Variants in EP300 observed in about 807,000 individuals in gnomAD.
The protein encoded by EP300 is EP300 lysine acetyltransferase.
In EP300, 31 loss-of-function variants were observed where a neutral mutation model predicts 264.0. The observed-to-expected ratio is 0.12, with a 90% CI of 0.09 to 0.16. The LOEUF (loss-of-function observed/expected upper bound fraction) is 0.16, where lower values mean the gene tolerates loss of function less well. Ranked by LOEUF, EP300 falls within the 10% of genes least tolerant of loss-of-function variation. The pLI is 1.00. For synonymous variants in EP300, 1,340 were observed against 1,045.4 expected, an observed-to-expected ratio of 1.28 and a Z score of -5.44; for missense variants, 2,766 against 3,052.9, an observed-to-expected ratio of 0.91 and a Z score of 2.21.
chr22:41,145,928 T>C (rs972968955), intron 10 of EP300, among the ~76,000 whole-genome samples: 1 of 151,996 alleles, frequency 6.6e-6, no homozygotes, highest in Non-Finnish European at 1.5e-5. Context: ...TTTATTTTTT[T>C]AAGAATTATT....
chr22:41,149,224 C>T (rs1236899531), intron 13 of EP300, 49 bp downstream of exon 13: 18 of 1,609,826 alleles, frequency 1.1e-5, no homozygotes, highest in Non-Finnish European at 1.4e-5. Flanking sequence ...CTTGAAACTT[C>T]TCTTGATGTA....
intron 7 of EP300, 131 bp downstream of exon 7, chr22:41,136,037 A>C: frequency 2.6e-6 from 2 of 769,400 alleles, no homozygotes; most frequent in South Asian, 2.9e-5. Flanking sequence ...GTTTGAGTCC[A>C]TTCTTTCTTT....
chr22:41,151,077 G>T (rs1313286666), intron 14 of EP300, among the ~76,000 whole-genome samples: 2 of 151,846 alleles, frequency 1.3e-5, no homozygotes, highest in Non-Finnish European at 2.9e-5. Context: ...TTTTTTAAGG[G>T]TTTAGAAGCT....
chr22:41,149,385 T>G (rs2145736659), intron 13 of EP300, among the ~76,000 whole-genome samples: 1 of 152,310 alleles, frequency 6.6e-6, no homozygotes, highest in South Asian at 2.1e-4. Flanking sequence ...GGAAATAATT[T>G]AAATGGATAG....
rs752065194 is a variant in EP300, at chr22:41,178,864, C to G, written c.7153C>G (p.Leu2385Val). 4 of 1,614,194 alleles carry G rather than the reference C, an allele frequency of 2.5e-6. No homozygotes were observed. The South Asian group carries it at 4.4e-5, about 18-fold the overall frequency. The change falls in exon 31 of 31, where the codon CTC becomes GTC. Residue 2385 changes from leucine (L) to valine (V), a missense_variant. Physicochemically the swap from Leu to Val is conservative, Grantham distance 32. Transcript: ENST00000263253. Reference protein sequence around the residue: ...QLASNPGMANLHGASATDLGL... With the variant: ...QLASNPGMANVHGASATDLGL... ...TGCTAGCAATCCAGGCATGGCAAAC[C>G]TCCATGGTGCAAGCGCCACGGACCT... is the stretch of plus-strand genomic sequence containing the variant.
intron 10 of EP300, among the ~76,000 whole-genome samples, chr22:41,143,250 A>G (rs959116681): frequency 1.3e-5 from 2 of 152,038 alleles, no homozygotes; most frequent in Non-Finnish European, 2.9e-5. Flanking sequence ...TTAGGAGTTC[A>G]GAACCAGCCT....
At chr22:41,176,065 C>A (rs2059198605) in intron 29 of EP300, 182 bp from the exon 30 acceptor site, 1 of 682,992 alleles carries the variant, frequency 1.5e-6, no homozygotes, top group Non-Finnish European at 2.5e-6. Flanking sequence ...ACAAAAAATG[C>A]AGAAATTAGC....
chr22:41,117,113 T>C lies in EP300; in HGVS notation c.95-74T>C, dbSNP rs958245296. ...TTGGGAAATGACATTTAATGCTTAT[T>C]GAGAACAATATAGAGCAGTTTTTTA... On this transcript the variant is annotated intron_variant, in intron 1 of 30. Coordinates refer to ENST00000263253, the MANE Select transcript of EP300 (RefSeq NM_001429.4). 2.1e-4 allele frequency: 272 copies of C among 1,269,284 alleles called. 1 individual carries two copies. Among genetic ancestry groups the C allele is most frequent in the South Asian group, 1.8e-4 (15 of 82,126 alleles). 78.6% of individuals were successfully genotyped at this position (1,269,284 alleles called of 1,614,324 possible).
At chr22:41,114,209 TCTCG>T (rs759990616) in intron 1 of EP300, among the ~76,000 whole-genome samples, 3 of 152,212 alleles carry the variant, frequency 2.0e-5, no homozygotes, top group Admixed American at 6.5e-5. Context: ...TGAGATAGGA[TCTCG>T]CTCTGTCACC....
rs755816596 is a variant in EP300 at position 41,176,309 on chromosome 22, T to C, written c.4842T>C (p.Asp1614=). 14 of 1,614,222 alleles carry C rather than the reference T, an allele frequency of 8.7e-6. No homozygotes were observed. The Admixed American group carries it at 1.5e-4, about 17-fold the overall frequency. The part of the protein sequence containing the change: ...PAANSLPPIV[D]PDPLIPCDLM... ...CCAACTCCCTGCCTCCCATTGTTGATCCTGATCCTCTCATCCCCTGCGATC... is the reference window on the plus strand; with the variant it reads ...CCAACTCCCTGCCTCCCATTGTTGACCCTGATCCTCTCATCCCCTGCGATC... Residue 1614 remains aspartate, a synonymous_variant, in exon 30 of 31, where the codon GAT becomes GAC. Transcript: ENST00000263253.
In EP300 at chr22:41,177,135, C is replaced by T. The variant is rs1016661264; in HGVS notation, c.5424C>T (p.Asn1808=). 2 of 1,614,142 alleles carry T rather than the reference C, an allele frequency of 1.2e-6. No homozygotes were observed. The highest frequency in any genetic ancestry group is 2.7e-5 in the African/African-American group (2 of 75,024). The part of the protein sequence containing the change: ...ENKCPVPFCL[N]IKQKLRQQQL... The stretch of plus-strand genomic sequence containing the variant: ...AATGCCCGGTGCCGTTCTGCCTAAA[C>T]ATCAAGCAGAAGCTCCGGCAGCAAC... Residue 1808 remains asparagine, a synonymous_variant, in exon 31 of 31, where the codon AAC becomes AAT. Coordinates refer to ENST00000263253, the MANE Select transcript of EP300 (RefSeq NM_001429.4).
At chr22:41,098,654 A>G (rs908509720) in intron 1 of EP300, among the ~76,000 whole-genome samples, 6 of 152,206 alleles carry the variant, frequency 3.9e-5, no homozygotes, top group Non-Finnish European at 8.8e-5. Flanking sequence ...TACAGGCGTG[A>G]GCCATAGCAC....
chr22:41,099,499 A>G (rs369020890), intron 1 of EP300, among the ~76,000 whole-genome samples: 14 of 152,304 alleles, frequency 9.2e-5, no homozygotes, highest in African/African-American at 2.6e-4. Flanking sequence ...TGCCTTTTCC[A>G]TCTTAACTAA....
intron 2 of EP300, among the ~76,000 whole-genome samples, chr22:41,120,857 TAC>T (rs2058848420): frequency 6.6e-6 from 1 of 152,206 alleles, no homozygotes; most frequent in Non-Finnish European, 1.5e-5. Context: ...TAGCTAGTAC[TAC>T]AAGGACTGTC....
Position 41,135,824 on chromosome 22 carries a change from A to C in EP300, c.1540A>C (p.Met514Leu), listed in dbSNP as rs765266179. The C allele has an allele frequency of 1.9e-5, 31 of 1,612,982 alleles. No individual in the cohort carries two copies. Among genetic ancestry groups the C allele is most frequent in the East Asian group, 4.5e-5 (2 of 44,874 alleles). ...TCATTTTGACTTAGGTGCTAGTCCT[A>C]TGGGAGTAAATGGAGGTGTAGGAGT... ...RPMSNMSASP[M>L]GVNGGVGVQT... Residue 514 changes from methionine to leucine, a missense_variant, in exon 7 of 31, where the codon ATG becomes CTG. Transcript: ENST00000263253.
chr22:41,124,304 A>T (rs2058868712), intron 2 of EP300, among the ~76,000 whole-genome samples: 1 of 152,140 alleles, frequency 6.6e-6, no homozygotes, highest in African/African-American at 2.4e-5. Context: ...CAAGCAGGTG[A>T]CTTAGCAGGT....
chr22:41,100,601 T>C (rs2058726394), intron 1 of EP300, among the ~76,000 whole-genome samples: 1 of 152,240 alleles, frequency 6.6e-6, no homozygotes, highest in Non-Finnish European at 1.5e-5. Flanking sequence ...ACAGACTTTA[T>C]TTTCTTGTCA....
At chr22:41,154,398 T>TTTTTTTTTTTTTTTTTTTTTTTTTTTTTC (rs2059064934) in intron 16 of EP300, among the ~76,000 whole-genome samples, 1 of 145,888 alleles carries the variant, frequency 6.9e-6, no homozygotes, top group Admixed American at 7.1e-5. Flanking sequence ...TTTTTTTTTT[T>TTTTTTTTTTTTTTTTTTTTTTTTTTTTTC]TGAGATGGGG....
chr22:41,175,091 G>C (rs899605141), intron 29 of EP300, among the ~76,000 whole-genome samples: 1 of 152,182 alleles, frequency 6.6e-6, no homozygotes, highest in Non-Finnish European at 1.5e-5. Context: ...ATAGTTACTA[G>C]CTATTTCAAG....
Sources: gnomAD v4.1 joint callset for allele counts (sites outside exome capture counted in the v4.1 genomes callset) on GRCh38, gnomAD v4.1.1 for gene constraint, MANE v1.5 for transcripts, NCBI Gene and HGNC (gene_info 2026-07-23, HGNC 2026-07-21) for gene names.